ZDHHC13: variants seen among roughly 807,000 people sequenced by gnomAD.
ZDHHC13 encodes palmitoyltransferase ZDHHC13.
ZDHHC13 carries 85 observed loss-of-function variants against 86.0 expected under a neutral mutation model. The observed-to-expected ratio is 0.99, with a 90% CI of 0.83 to 1.18. The LOEUF is 1.18. Among genes scored for constraint, ZDHHC13 ranks in the 50% most tolerant of loss-of-function variants. The pLI, the probability that ZDHHC13 is intolerant of heterozygous loss-of-function variation, is 0.00. For missense variants in ZDHHC13, 711 were observed against 730.2 expected (o/e 0.97, Z 0.30); for synonymous variants, 263 against 246.4 (o/e 1.07, Z -0.63).
intron 1 of ZDHHC13, among the ~76,000 whole-genome samples, chr11:19,141,834 A>G (rs147036867): frequency 2.5e-4 from 38 of 152,260 alleles, no homozygotes; most frequent in African/African-American, 9.1e-4. Context: ...TGCTGCTTCT[A>G]ATAGGTGATC....
chr11:19,165,126 G>GTGGAC lies in ZDHHC13; in HGVS notation c.1377_1381dup (p.Arg461LeufsTer5). On this transcript the variant is annotated frameshift_variant, in exon 13 of 17. Transcript: ENST00000446113. LOFTEE classifies it high-confidence loss of function. ...TGGCTCGATATGATCAACACTGCCTGTGGACTGGACGGTGCATAGGTGAGA... is the reference window on the plus strand; with the variant it reads ...TGGCTCGATATGATCAACACTGCCTGTGGACTGGACTGGACGGTGCATAGGTGAGA... 6.2e-7 allele frequency: 1 copy of GTGGAC among 1,612,704 alleles called. No homozygotes were observed. Among genetic ancestry groups the GTGGAC allele is most frequent in the Non-Finnish European group, 8.5e-7 (1 of 1,179,322 alleles).
intron 15 of ZDHHC13, 151 bp from the exon 16 acceptor site, chr11:19,172,572 C>T: frequency 3.8e-6 from 2 of 523,812 alleles, no homozygotes; most frequent in Non-Finnish European, 6.5e-6. Flanking sequence ...ATGTTCTTTA[C>T]TTCTGATTAA....
At position 19,175,389 on chromosome 11, in the gene ZDHHC13, CAA is replaced by C. The variant is rs58806796; in HGVS notation, c.1731-406_1731-405del. 1.5e-3 allele frequency among the ~76,000 whole-genome samples: 84 copies of C among 56,358 alleles called. 4 individuals are homozygous for C. The highest frequency in any genetic ancestry group is 2.2e-3 in the Non-Finnish European group (69 of 31,324). The allele number at this position is 56,358 out of a possible 152,430, so 37.0% of individuals were successfully genotyped here. Reference sequence around the variant, plus strand: ...TGGGTGACAGAGCGAGACTCCGTCTCAAAAAAAAAAAAAAAAAAAAAAAAAAA... The same window carrying C: ...TGGGTGACAGAGCGAGACTCCGTCTCAAAAAAAAAAAAAAAAAAAAAAAAA... On this transcript the variant is annotated intron_variant, in intron 16 of 16. Transcript: ENST00000446113.
intron 11 of ZDHHC13, 48 bp downstream of exon 11, chr11:19,163,475 T>G: frequency 6.5e-7 from 1 of 1,527,552 alleles, no homozygotes; most frequent in East Asian, 2.3e-5. Flanking sequence ...GTTTGTAAAC[T>G]TTAGAAAGTT....
chr11:19,129,782 A>G (rs1416389577), intron 1 of ZDHHC13, among the ~76,000 whole-genome samples: 2 of 152,152 alleles, frequency 1.3e-5, no homozygotes, highest in Non-Finnish European at 2.9e-5. Context: ...TTTGGTATGT[A>G]GTGATTCTGC....
At chr11:19,170,375 C>CTTTTTTTTTTTTTTTTTTTTTTTT in intron 14 of ZDHHC13, 36 bp from the exon 15 acceptor site, 3 of 1,234,828 alleles carry the variant, frequency 2.4e-6, no homozygotes, top group South Asian at 1.6e-5. Flanking sequence ...AGTTTATTGC[C>CTTTTTTTTTTTTTTTTTTTTTTTT]TTTTTTTTTT....
intron 5 of ZDHHC13, 141 bp from the exon 6 acceptor site, chr11:19,150,586 T>G: frequency 1.5e-6 from 1 of 659,472 alleles, no homozygotes; most frequent in East Asian, 2.8e-5. Context: ...GAGCAAAACA[T>G]TCTTTTTATC....
At chr11:19,150,496 A>G (rs1849579009) in intron 5 of ZDHHC13, among the ~76,000 whole-genome samples, 1 of 152,166 alleles carries the variant, frequency 6.6e-6, no homozygotes, top group Non-Finnish European at 1.5e-5. Flanking sequence ...TTCACATCAT[A>G]TAACACTTTA....
chr11:19,128,133 G>C (rs1008444986), intron 1 of ZDHHC13, among the ~76,000 whole-genome samples: 1 of 152,126 alleles, frequency 6.6e-6, no homozygotes, highest in Non-Finnish European at 1.5e-5. Context: ...TCTTTGAGCA[G>C]TATTTTGTAA....
At chr11:19,166,000 T>G (rs1850055327) in intron 13 of ZDHHC13, among the ~76,000 whole-genome samples, 1 of 152,230 alleles carries the variant, frequency 6.6e-6, no homozygotes, top group Non-Finnish European at 1.5e-5. Flanking sequence ...CTGCTTCTCT[T>G]CCTTCCATCA....
At chr11:19,164,630 TA>T (rs1208745719) in intron 12 of ZDHHC13, 2 of 483,864 alleles carry the variant, frequency 4.1e-6, no homozygotes, top group Non-Finnish European at 7.4e-6. Context: ...AAGCATATAT[TA>T]GAACTAACGT....
intron 10 of ZDHHC13, among the ~76,000 whole-genome samples, chr11:19,159,617 A>G (rs914506184): frequency 1.3e-5 from 2 of 150,782 alleles, no homozygotes; most frequent in Admixed American, 6.6e-5. Flanking sequence ...AATTTTAATC[A>G]TGGCCCATTT....
chr11:19,170,464 C>T lies in ZDHHC13; in HGVS notation c.1528C>T (p.Leu510Phe). ...TFKEDGLWTY[L>F]NQIVACSPWV... is the part of the protein sequence containing the mutation. ...CAAAGAAGATGGATTATGGACTTAC[C>T]TCAATCAGATTGTGGCCTGTTCCCC... Residue 510 changes from leucine (L) to phenylalanine (F), a missense_variant, in exon 15 of 17, where the codon CTC becomes TTC. Physicochemically the swap from Leu to Phe is conservative, Grantham distance 22. Coordinates refer to ENST00000446113, the MANE Select transcript of ZDHHC13 (RefSeq NM_019028.3). 1 of 1,531,944 alleles carries T rather than the reference C, an allele frequency of 6.5e-7. No homozygotes were observed. Among genetic ancestry groups the T allele is most frequent in the Non-Finnish European group, 8.8e-7 (1 of 1,139,006 alleles). The allele number at this position is 1,531,944 out of a possible 1,614,324, so 94.9% of individuals were successfully genotyped here.
chr11:19,170,060 G>T (rs544896107), intron 14 of ZDHHC13: 1 of 1,062,432 alleles, frequency 9.4e-7, no homozygotes, highest in Non-Finnish European at 1.1e-6. Flanking sequence ...ACCCATAGTT[G>T]CTATAAACAT....
intron 5 of ZDHHC13, 86 bp from the exon 6 acceptor site, chr11:19,150,641 A>G: frequency 9.0e-7 from 1 of 1,111,942 alleles, no homozygotes; most frequent in South Asian, 1.7e-5. Context: ...GTAGTATTGA[A>G]TGTATTAAAG....
chr11:19,125,692 C>T (rs575008820), intron 1 of ZDHHC13, among the ~76,000 whole-genome samples: 6 of 152,188 alleles, frequency 3.9e-5, no homozygotes, highest in Non-Finnish European at 5.9e-5. Context: ...AAACAACCCA[C>T]GCAGACTGTT....
chr11:19,170,168 C>G (rs2133479707), intron 14 of ZDHHC13: 1 of 1,302,582 alleles, frequency 7.7e-7, no homozygotes, highest in Non-Finnish European at 9.7e-7. Flanking sequence ...GACCCTTTTT[C>G]TTTATTCCTT....
At chr11:19,138,211 T>TA (rs1251006543) in intron 1 of ZDHHC13, among the ~76,000 whole-genome samples, 2 of 133,892 alleles carry the variant, frequency 1.5e-5, no homozygotes, top group Non-Finnish European at 1.7e-5. Flanking sequence ...ATAGATGCAA[T>TA]AAAAAATGAT....
Position 19,165,052 on chromosome 11 carries a change from A to T in ZDHHC13, c.1297A>T (p.Ile433Leu). The change falls in exon 13 of 17, where the codon ATA (isoleucine) becomes TTA (leucine). Residue 433 changes from isoleucine (I) to leucine (L), a missense_variant and splice_region_variant. Physicochemically the swap from Ile to Leu is conservative, Grantham distance 5 (BLOSUM62 2). Coordinates refer to ENST00000446113, the MANE Select transcript of ZDHHC13 (RefSeq NM_019028.3). ...AGGCCTCTCTTAATTGCCCACTTAGATAAGGAAGCCATTAAGGTCACTCCA... is the reference window on the plus strand; with the variant it reads ...AGGCCTCTCTTAATTGCCCACTTAGTTAAGGAAGCCATTAAGGTCACTCCA... Reference protein sequence around the residue: ...DFRTFCTSCLIRKPLRSLHCH... With the variant: ...DFRTFCTSCLLRKPLRSLHCH... The T allele has an allele frequency of 6.2e-7, 1 of 1,611,816 alleles. No individual in the cohort carries two copies. The highest frequency in any genetic ancestry group is 1.1e-5 in the South Asian group (1 of 90,508).
Sources: allele counts gnomAD v4.1 joint callset (sites outside exome capture counted in the v4.1 genomes callset), GRCh38; gene constraint gnomAD v4.1.1; transcripts MANE v1.5; gene names NCBI Gene and HGNC (gene_info 2026-07-23, HGNC 2026-07-21).